Variants in PSMA8 observed in about 807,000 individuals in gnomAD.
PSMA8 encodes proteasome subunit alpha-type 8.
PSMA8 carries 18 observed loss-of-function variants against 32.4 expected under a neutral mutation model. The ratio of observed to expected loss-of-function variants is 0.56; its 90% CI spans 0.38 to 0.82. The LOEUF (loss-of-function observed/expected upper bound fraction) is 0.82. PSMA8 is among the 40% of genes least tolerant of loss of function. The probability of loss-of-function intolerance (pLI) is 0.00; values close to 1 mark genes in which losing one functional copy is unlikely to be tolerated. For missense variants in PSMA8, 298 were observed against 300.7 expected, an observed-to-expected ratio of 0.99 and a Z score of 0.07; for synonymous variants, 104 against 98.1, an observed-to-expected ratio of 1.06 and a Z score of -0.36.
At chr18:26,169,435 C>T (rs2055204541) in intron 4 of PSMA8, among the ~76,000 whole-genome samples, 1 of 131,690 alleles carries the variant, frequency 7.6e-6, no homozygotes, top group Non-Finnish European at 1.5e-5. Flanking sequence ...GTTCAAGCAA[C>T]CATCATCCCT....
rs1223377689 is a variant in PSMA8 at position 26,157,828 on chromosome 18, C to G, written c.355-294C>G. On this transcript the variant is annotated intron_variant, in intron 3 of 6. Coordinates refer to ENST00000415576, the MANE Select transcript of PSMA8 (RefSeq NM_001025096.2). ...CCAAAATGCATGAAACAGGTCTCTG[C>G]TATATTAGAAATTACAGTCTAGTGA... 2.0e-5 allele frequency among the ~76,000 whole-genome samples: 3 copies of G among 152,168 alleles called. No homozygotes were observed. The East Asian group carries it at 5.8e-4, about 29-fold the overall frequency.
chr18:26,134,614 TTGA>T (rs1436861265), intron 1 of PSMA8, among the ~76,000 whole-genome samples: 2 of 152,080 alleles, frequency 1.3e-5, no homozygotes, highest in East Asian at 3.8e-4. Flanking sequence ...TAAACTTTTG[TTGA>T]TGAAGAAATG....
rs1452208712 is a variant in PSMA8 at position 26,192,657 on chromosome 18, C to T, written c.*246C>T. The T allele has an allele frequency of 1.2e-5, 3 of 245,108 alleles. No homozygotes were observed. The highest frequency in any genetic ancestry group is 1.5e-5 in the Non-Finnish European group (2 of 133,918). 15.2% of individuals were successfully genotyped at this position (245,108 alleles called of 1,614,324 possible). A position where few individuals can be genotyped will look rare whatever the true frequency, so the allele number is the denominator to read the frequency against. ...GAGAGCAGTCATAATTCCACATAAG[C>T]CTGAGACTCTATAATTTGTCCAGTG... On this transcript the variant is annotated 3_prime_UTR_variant, in exon 7 of 7. Transcript: ENST00000415576.
chr18:26,172,071 G>T (rs2055226734), intron 4 of PSMA8, among the ~76,000 whole-genome samples: 1 of 152,158 alleles, frequency 6.6e-6, no homozygotes, highest in Admixed American at 6.5e-5. Context: ...AAGGTAGCCT[G>T]CCCTTTATCT....
At chr18:26,141,491 T>C (rs1421680133) in intron 1 of PSMA8, among the ~76,000 whole-genome samples, 1 of 152,172 alleles carries the variant, frequency 6.6e-6, no homozygotes, top group Non-Finnish European at 1.5e-5. Flanking sequence ...TTAGTCCTAA[T>C]ATATGTTAAA....
At position 26,192,803 on chromosome 18, in the gene PSMA8, C is replaced by G. The variant is rs1224116978; in HGVS notation, c.*392C>G. On this transcript the variant is annotated 3_prime_UTR_variant, in exon 7 of 7. Coordinates refer to ENST00000415576, the MANE Select transcript of PSMA8 (RefSeq NM_001025096.2). ...TAAGGACATAGCTATTCCAAATAAA[C>G]TAAATATAATATTGAGCTGCATTTC... 1 of 152,266 alleles carries G rather than the reference C, an allele frequency of 6.6e-6. No individual in the cohort carries two copies. Among genetic ancestry groups the G allele is most frequent in the Non-Finnish European group, 1.5e-5 (1 of 68,152 alleles). 9.4% of individuals were successfully genotyped at this position (152,266 alleles called of 1,614,324 possible). A position where few individuals can be genotyped will look rare whatever the true frequency, so the allele number is the denominator to read the frequency against.
intron 1 of PSMA8, among the ~76,000 whole-genome samples, chr18:26,137,283 C>T (rs1218883481): frequency 3.9e-5 from 6 of 152,060 alleles, no homozygotes; most frequent in African/African-American, 1.2e-4. Context: ...CATGGTGATG[C>T]CCCATCTCTA....
rs550394293 is a variant in PSMA8, at chr18:26,170,544, A to G, written c.478-8286A>G. ...CAGTTGGGGTCTTGGAGAAGCACTT[A>G]GTTATAGCAAGAATGTCTCATAAAT... On this transcript the variant is annotated intron_variant, in intron 4 of 6. Transcript: ENST00000415576. Among the ~76,000 whole-genome samples, 18 of 130,372 alleles carry G rather than the reference A, an allele frequency of 1.4e-4. 1 individual carries two copies. The South Asian group carries it at 3.3e-3, about 24-fold the overall frequency. The allele number at this position is 130,372 out of a possible 152,430, so 85.5% of individuals were successfully genotyped here. A position where few individuals can be genotyped will look rare whatever the true frequency, so the allele number is the denominator to read the frequency against.
chr18:26,167,777 G>T (rs1344395421), intron 4 of PSMA8, among the ~76,000 whole-genome samples: 1 of 152,012 alleles, frequency 6.6e-6, no homozygotes, highest in Admixed American at 6.5e-5. Context: ...AGCACCTTGA[G>T]CTTGGACTTT....
At chr18:26,173,436 G>T (rs1388193436) in intron 4 of PSMA8, among the ~76,000 whole-genome samples, 1 of 151,860 alleles carries the variant, frequency 6.6e-6, no homozygotes, top group Non-Finnish European at 1.5e-5. Context: ...TCCTATCCTG[G>T]CTTTACTTCT....
intron 6 of PSMA8, among the ~76,000 whole-genome samples, chr18:26,181,838 C>T (rs763286140): frequency 4.0e-5 from 6 of 151,628 alleles, no homozygotes; most frequent in Non-Finnish European, 8.8e-5. Flanking sequence ...GCAGGAGAAT[C>T]GCTTGAACCT....
At chr18:26,190,839 A>G (rs1396095758) in intron 6 of PSMA8, among the ~76,000 whole-genome samples, 1 of 152,222 alleles carries the variant, frequency 6.6e-6, no homozygotes, top group Non-Finnish European at 1.5e-5. Context: ...TCAGGTTTGT[A>G]TTGTAATGAT....
At chr18:26,157,570 C>T (rs373290515) in intron 3 of PSMA8, among the ~76,000 whole-genome samples, 19 of 152,076 alleles carry the variant, frequency 1.2e-4, no homozygotes, top group African/African-American at 4.6e-4. Context: ...TGTGAGGAAA[C>T]AGCATGCTCT....
chr18:26,175,155 C>G (rs2144337835), intron 4 of PSMA8, among the ~76,000 whole-genome samples: 1 of 152,284 alleles, frequency 6.6e-6, no homozygotes, highest in African/African-American at 2.4e-5. Context: ...TTCCACATCT[C>G]TTTTTCTTAG....
chr18:26,158,346 A>G (rs907026062), intron 4 of PSMA8, 102 bp downstream of exon 4: 20 of 959,360 alleles, frequency 2.1e-5, no homozygotes, highest in Non-Finnish European at 2.9e-5. Flanking sequence ...TGCATTAAAT[A>G]TTGATATTGG....
intron 3 of PSMA8, among the ~76,000 whole-genome samples, chr18:26,155,106 G>A (rs374578270): frequency 5.9e-5 from 9 of 152,036 alleles, no homozygotes; most frequent in Non-Finnish European, 8.8e-5. Flanking sequence ...GTGGTGGTGC[G>A]CACCTGTAAC....
chr18:26,181,572 T>G (rs895058101), intron 6 of PSMA8, among the ~76,000 whole-genome samples: 1 of 152,134 alleles, frequency 6.6e-6, no homozygotes, highest in Non-Finnish European at 1.5e-5. Flanking sequence ...CCAAGACAGG[T>G]GGAAAGCTAG....
intron 3 of PSMA8, among the ~76,000 whole-genome samples, chr18:26,154,946 G>A (rs1598650927): frequency 6.6e-6 from 1 of 151,282 alleles, no homozygotes; most frequent in East Asian, 2.0e-4. Flanking sequence ...TGATTCATTA[G>A]TCTAGGCACG....
At chr18:26,138,646 G>A (rs1210643639) in intron 1 of PSMA8, among the ~76,000 whole-genome samples, 1 of 151,898 alleles carries the variant, frequency 6.6e-6, no homozygotes, top group East Asian at 1.9e-4. Flanking sequence ...GGCTACCTAT[G>A]GTCAGTGAAT....
Sources: gnomAD v4.1 joint callset for allele counts (sites outside exome capture counted in the v4.1 genomes callset) on GRCh38, gnomAD v4.1.1 for gene constraint, MANE v1.5 for transcripts, NCBI Gene and HGNC (gene_info 2026-07-23, HGNC 2026-07-21) for gene names.